Variants in OSBP2 observed in about 807,000 individuals in gnomAD.
OSBP2 encodes the protein oxysterol-binding protein 2.
In OSBP2, 66 loss-of-function variants were observed where a neutral mutation model predicts 96.0. That is an observed-to-expected ratio of 0.69 (90% CI 0.56 to 0.84). The LOEUF (loss-of-function observed/expected upper bound fraction) is 0.84, where lower values mean the gene tolerates loss of function less well. Among genes scored for constraint, OSBP2 ranks in the 40% least tolerant of loss-of-function variants. OSBP2 has a pLI of 0.00. For missense variants in OSBP2, 1,038 were observed against 1,222.7 expected (o/e 0.85, Z 2.25); for synonymous variants, 525 against 520.9 (o/e 1.01, Z -0.11).
At position 30,717,090 on chromosome 22, in the gene OSBP2, T is replaced by TTTTTTTGTG. The variant is rs71328866; in HGVS notation, c.644+21538_644+21539insTTTTTGTGT. Reference sequence around the variant, plus strand: ...CTATTTTGTTTTAATTTTACTGTTTTTGTGTGTGTGTGTGTGTGTGTGTGT... The same window carrying TTTTTTTGTG: ...CTATTTTGTTTTAATTTTACTGTTTTTTTTTTGTGTGTGTGTGTGTGTGTGTGTGTGTGT... On this transcript the variant is annotated intron_variant, in intron 1 of 13. Transcript: ENST00000332585. Among the ~76,000 whole-genome samples, 79 of 118,404 alleles carry TTTTTTTGTG rather than the reference T, an allele frequency of 6.7e-4. 1 individual carries two copies. Among genetic ancestry groups the TTTTTTTGTG allele is most frequent in the African/African-American group, 2.4e-3 (76 of 31,522 alleles). The allele number at this position is 118,404 out of a possible 152,430, so 77.7% of individuals were successfully genotyped here. A position where few individuals can be genotyped will look rare whatever the true frequency, so the allele number is the denominator to read the frequency against.
intron 2 of OSBP2, among the ~76,000 whole-genome samples, chr22:30,779,787 C>T (rs2090490637): frequency 6.6e-6 from 1 of 152,158 alleles, no homozygotes; most frequent in Non-Finnish European, 1.5e-5. Flanking sequence ...AGGAGGGGTC[C>T]AGCCTCATGC....
intron 1 of OSBP2, among the ~76,000 whole-genome samples, chr22:30,701,344 CTTTTT>C (rs1228654999): frequency 1.6e-5 from 2 of 127,988 alleles, no homozygotes; most frequent in Admixed American, 8.9e-5. Flanking sequence ...TTTTTCTTTT[CTTTTT>C]TTTTTTTTTT....
At chr22:30,799,317 G>C (rs2090818070) in intron 2 of OSBP2, among the ~76,000 whole-genome samples, 1 of 152,124 alleles carries the variant, frequency 6.6e-6, no homozygotes, top group South Asian at 2.1e-4. Context: ...ACCATGTCTT[G>C]GTCTTCGAGA....
chr22:30,871,388 G>A lies in OSBP2; in HGVS notation c.1107+706G>A, dbSNP rs2039456350. On this transcript the variant is annotated intron_variant, in intron 3 of 13. Transcript: ENST00000332585. The surrounding 1 kb of genome is among the most constrained non-coding windows in gnomAD (Gnocchi z 4.7). ...TCTGTCTGGGGAGTGTTCCCCAGAA[G>A]TGTGCGTGCTCCTCCAGGCCTCCAC... Among the ~76,000 whole-genome samples the A allele has an allele frequency of 6.6e-6, 1 of 152,088 alleles. No homozygotes were observed. The highest frequency in any genetic ancestry group is 2.4e-5 in the African/African-American group (1 of 41,416).
intron 1 of OSBP2, among the ~76,000 whole-genome samples, chr22:30,710,713 C>T (rs934311503): frequency 2.0e-5 from 3 of 151,950 alleles, no homozygotes; most frequent in Non-Finnish European, 2.9e-5. Context: ...CAGGTTCAAG[C>T]GATTCTCCTG....
At chr22:30,716,647 A>C (rs894293897) in intron 1 of OSBP2, among the ~76,000 whole-genome samples, 1 of 152,040 alleles carries the variant, frequency 6.6e-6, no homozygotes, top group Non-Finnish European at 1.5e-5. Context: ...CATGTTGGCC[A>C]GGCTGGTCTC....
chr22:30,905,385 AC>A (rs1050050727), intron 12 of OSBP2, among the ~76,000 whole-genome samples: 2 of 151,530 alleles, frequency 1.3e-5, no homozygotes, highest in Admixed American at 6.6e-5. Context: ...CTCGTGATCC[AC>A]CGGCCTCAGC....
intron 2 of OSBP2, among the ~76,000 whole-genome samples, chr22:30,862,841 C>T (rs529185018): frequency 3.1e-3 from 474 of 151,390 alleles, no homozygotes; most frequent in Non-Finnish European, 5.4e-3. Flanking sequence ...GGTGTGGTGG[C>T]GGGCGCCTGT....
At chr22:30,889,113 T>C in intron 5 of OSBP2, 64 bp from the exon 6 acceptor site, 3 of 1,429,092 alleles carry the variant, frequency 2.1e-6, no homozygotes, top group South Asian at 2.5e-5. Flanking sequence ...GGAGAGAGGA[T>C]GGGCCAGGTC....
intron 2 of OSBP2, among the ~76,000 whole-genome samples, chr22:30,863,331 G>A (rs1239499436): frequency 6.6e-6 from 1 of 152,156 alleles, no homozygotes; most frequent in East Asian, 1.9e-4. Flanking sequence ...CCAACCACAC[G>A]GGCTGGGAAT....
At chr22:30,727,492 G>A (rs997782667) in intron 1 of OSBP2, among the ~76,000 whole-genome samples, 2 of 152,126 alleles carry the variant, frequency 1.3e-5, no homozygotes, top group Non-Finnish European at 1.5e-5. Flanking sequence ...ATAGCTCTCA[G>A]AGAAGAGGTG....
intron 1 of OSBP2, among the ~76,000 whole-genome samples, chr22:30,711,802 T>A (rs2089357990): frequency 6.6e-6 from 1 of 151,848 alleles, no homozygotes. Context: ...ACTCATTTTC[T>A]CTGTGTTTCA....
chr22:30,899,740 G>T (rs1021220021), intron 12 of OSBP2, among the ~76,000 whole-genome samples: 9 of 151,860 alleles, frequency 5.9e-5, no homozygotes, highest in Admixed American at 5.9e-4. Flanking sequence ...AATCTAAAAC[G>T]ATATCAGAAA....
intron 12 of OSBP2, among the ~76,000 whole-genome samples, chr22:30,904,304 C>T (rs896583205): frequency 6.6e-6 from 1 of 152,222 alleles, no homozygotes; most frequent in African/African-American, 2.4e-5. Context: ...TTCCACCTGT[C>T]AGCTTCTCTG....
At chr22:30,794,544 C>T (rs923009670) in intron 2 of OSBP2, among the ~76,000 whole-genome samples, 3 of 151,830 alleles carry the variant, frequency 2.0e-5, no homozygotes, top group Non-Finnish European at 4.4e-5. Flanking sequence ...GGATTACAGG[C>T]GTGAGCCACC....
At chr22:30,707,246 G>A (rs2089269026) in intron 1 of OSBP2, among the ~76,000 whole-genome samples, 2 of 151,968 alleles carry the variant, frequency 1.3e-5, no homozygotes, top group African/African-American at 2.4e-5. Context: ...ACAGGCTCTC[G>A]CTGCCACGCC....
rs541890549 is a variant in OSBP2, at chr22:30,870,178, C to T, written c.854-251C>T. On this transcript the variant is annotated intron_variant, in intron 2 of 13. Transcript: ENST00000332585. This position sits in a 1 kb window ranked among gnomAD's most constrained non-coding sequence, Gnocchi z 4.1. ...CCTCCAAAGCCCAGTCCCGGCCCTG[C>T]CATTCAATCTGGGCTCTCTTTACAG... Among the ~76,000 whole-genome samples the T allele has an allele frequency of 6.6e-6, 1 of 152,314 alleles. No individual in the cohort carries two copies. The highest frequency in any genetic ancestry group is 2.4e-5 in the African/African-American group (1 of 41,572).
At chr22:30,792,186 G>A (rs1292123469) in intron 2 of OSBP2, among the ~76,000 whole-genome samples, 1 of 152,036 alleles carries the variant, frequency 6.6e-6, no homozygotes, top group African/African-American at 2.4e-5. Flanking sequence ...GGTGGCACAT[G>A]CCTGTAATCC....
intron 12 of OSBP2, among the ~76,000 whole-genome samples, chr22:30,898,862 TTAA>T (rs35162134): frequency 0.36 from 53,099 of 146,378 alleles, 10,816 homozygotes; most frequent in East Asian, 0.66. Flanking sequence ...CATCTTTATA[TTAA>T]TAATAATAAT....
Sources: gnomAD v4.1 joint callset for allele counts (sites outside exome capture counted in the v4.1 genomes callset) on GRCh38, gnomAD v4.1.1 for gene constraint, Gnocchi (gnomAD v3.1) non-coding constraint, MANE v1.5 for transcripts, NCBI Gene and HGNC (gene_info 2026-07-23, HGNC 2026-07-21) for gene names.